SETBP1: variants seen among roughly 807,000 people sequenced by gnomAD.
SETBP1 encodes the protein SET-binding protein.
Under a neutral mutation model 101.0 loss-of-function variants are expected in SETBP1, and 9 were observed. That is an observed-to-expected ratio of 0.09 (90% CI 0.05 to 0.16). The LOEUF (loss-of-function observed/expected upper bound fraction) is 0.16. SETBP1 is among the 10% of genes least tolerant of loss of function. The pLI is 1.00. For synonymous variants in SETBP1, 818 were observed against 788.5 expected, an observed-to-expected ratio of 1.04 and a Z score of -0.63; for missense variants, 1,858 against 2,033.8, an observed-to-expected ratio of 0.91 and a Z score of 1.66.
intron 2 of SETBP1, among the ~76,000 whole-genome samples, chr18:44,796,436 A>G (rs552977924): frequency 7.2e-5 from 11 of 152,216 alleles, no homozygotes; most frequent in Non-Finnish European, 1.6e-4. Flanking sequence ...AATGCACGTA[A>G]GAATGACCTG....
chr18:44,703,351 T>G (rs981405100), intron 2 of SETBP1, among the ~76,000 whole-genome samples: 14 of 13,786 alleles, frequency 1.0e-3, no homozygotes, highest in African/African-American at 2.7e-3. Context: ...CCATTAGGTT[T>G]TTTTTTTTTT....
At chr18:44,839,450 C>T (rs1193264053) in intron 2 of SETBP1, among the ~76,000 whole-genome samples, 2 of 144,800 alleles carry the variant, frequency 1.4e-5, no homozygotes, top group African/African-American at 2.7e-5. Flanking sequence ...GCCCTTAGCC[C>T]GCACTGGCTC....
At chr18:44,847,633 G>A (rs1282355244) in intron 2 of SETBP1, among the ~76,000 whole-genome samples, 2 of 152,212 alleles carry the variant, frequency 1.3e-5, no homozygotes, top group Admixed American at 1.3e-4. Flanking sequence ...GTCAAGCACT[G>A]TGGGGGTAGG....
chr18:44,867,932 A>C (rs1271148972), intron 2 of SETBP1, among the ~76,000 whole-genome samples: 1 of 152,246 alleles, frequency 6.6e-6, no homozygotes, highest in Non-Finnish European at 1.5e-5. Flanking sequence ...ACATTGTTAC[A>C]GCAAACATGA....
intron 3 of SETBP1, among the ~76,000 whole-genome samples, chr18:44,875,530 A>AAG (rs1234564144): frequency 1.4e-5 from 2 of 147,884 alleles, no homozygotes; most frequent in Non-Finnish European, 3.0e-5. Flanking sequence ...TCCATCTCAA[A>AAG]AAAAAAAAAA....
At chr18:45,054,098 G>C (rs983270766) in intron 5 of SETBP1, among the ~76,000 whole-genome samples, 3 of 152,094 alleles carry the variant, frequency 2.0e-5, no homozygotes, top group Admixed American at 6.5e-5. Context: ...AAAGTTGAAT[G>C]AAACAGAGGA....
At chr18:45,003,223 A>G (rs552526570) in intron 4 of SETBP1, among the ~76,000 whole-genome samples, 1 of 152,342 alleles carries the variant, frequency 6.6e-6, no homozygotes, top group African/African-American at 2.4e-5. Flanking sequence ...TCACTTGTGC[A>G]CAATTCTAGG....
chr18:44,710,679 T>C (rs1460550340), intron 2 of SETBP1, among the ~76,000 whole-genome samples: 27 of 152,146 alleles, frequency 1.8e-4, no homozygotes, highest in Non-Finnish European at 1.0e-4. Context: ...CTCGAACTCC[T>C]GACCTCGTGA....
intron 2 of SETBP1, among the ~76,000 whole-genome samples, chr18:44,865,093 C>T (rs1385970656): frequency 6.6e-6 from 1 of 152,146 alleles, no homozygotes; most frequent in Non-Finnish European, 1.5e-5. Flanking sequence ...TGGTTGTCAG[C>T]GCTGGATTGG....
intron 3 of SETBP1, among the ~76,000 whole-genome samples, chr18:44,934,931 G>A (rs1385257704): frequency 6.6e-6 from 1 of 152,182 alleles, no homozygotes; most frequent in Non-Finnish European, 1.5e-5. Flanking sequence ...GAAAGTTCAG[G>A]GGCACATATA....
At chr18:44,790,103 G>A (rs1274851183) in intron 2 of SETBP1, among the ~76,000 whole-genome samples, 3 of 152,110 alleles carry the variant, frequency 2.0e-5, no homozygotes, top group African/African-American at 7.2e-5. Flanking sequence ...ATCCCTGCAG[G>A]AAGAACAGGC....
At chr18:44,811,907 A>G (rs932637034) in intron 2 of SETBP1, among the ~76,000 whole-genome samples, 2 of 152,182 alleles carry the variant, frequency 1.3e-5, no homozygotes, top group Non-Finnish European at 2.9e-5. Flanking sequence ...TTCATGCTTT[A>G]AAGACCTGTG....
At chr18:45,028,682 G>A (rs1439751221) in intron 4 of SETBP1, among the ~76,000 whole-genome samples, 1 of 152,100 alleles carries the variant, frequency 6.6e-6, no homozygotes, top group Non-Finnish European at 1.5e-5. Context: ...GTTGTTTCCT[G>A]ACTTTTTAAT....
chr18:44,938,809 G>T (rs1423044501), intron 3 of SETBP1, among the ~76,000 whole-genome samples: 1 of 152,136 alleles, frequency 6.6e-6, no homozygotes, highest in East Asian at 1.9e-4. Flanking sequence ...GGGCTCTATT[G>T]TTTTGAGATC....
intron 2 of SETBP1, among the ~76,000 whole-genome samples, chr18:44,730,546 G>A (rs2069816540): frequency 6.6e-6 from 1 of 152,202 alleles, no homozygotes; most frequent in Non-Finnish European, 1.5e-5. Context: ...ACTTTCCTGT[G>A]TTGCTTGGTC....
chr18:44,689,251 A>G (rs553437330), intron 1 of SETBP1, among the ~76,000 whole-genome samples: 72 of 152,342 alleles, frequency 4.7e-4, no homozygotes, highest in African/African-American at 1.7e-3. Flanking sequence ...TCAAGGAAAC[A>G]AATGCTTATT....
In SETBP1 at chr18:44,701,326, C is replaced by G; in HGVS notation, c.-21C>G. ...TTCCCCTTCCCCCTCCTGAGAACTC[C>G]GGAAGACTGTAGAGATTGTCATGGA... is the stretch of plus-strand genomic sequence containing the variant. On this transcript the variant is annotated 5_prime_UTR_variant, in exon 2 of 6. Coordinates refer to ENST00000649279, the MANE Select transcript of SETBP1 (RefSeq NM_015559.3). 6.8e-7 allele frequency: 1 copy of G among 1,464,954 alleles called. No homozygotes were observed. Among genetic ancestry groups the G allele is most frequent in the Non-Finnish European group, 9.0e-7 (1 of 1,106,272 alleles). The allele number at this position is 1,464,954 out of a possible 1,614,324, so 90.7% of individuals were successfully genotyped here.
At chr18:44,828,123 G>A (rs990134314) in intron 2 of SETBP1, among the ~76,000 whole-genome samples, 1 of 152,030 alleles carries the variant, frequency 6.6e-6, no homozygotes, top group Non-Finnish European at 1.5e-5. Context: ...TATTGCCATT[G>A]TTCAAACTAT....
chr18:44,806,766 G>T (rs1000583985), intron 2 of SETBP1, among the ~76,000 whole-genome samples: 1 of 148,870 alleles, frequency 6.7e-6, no homozygotes, highest in Non-Finnish European at 1.5e-5. Flanking sequence ...TTAATTCCTG[G>T]ACTCAAGCAA....
Sources: allele counts gnomAD v4.1 joint callset (sites outside exome capture counted in the v4.1 genomes callset), GRCh38; gene constraint gnomAD v4.1.1; transcripts MANE v1.5; gene names NCBI Gene and HGNC (gene_info 2026-07-23, HGNC 2026-07-21).